Variants in SGPP2 observed in about 807,000 individuals in gnomAD.
SGPP2 encodes sphingosine 1-phosphate phosphohydrolase 2.
Under a neutral mutation model 33.9 loss-of-function variants are expected in SGPP2, and 30 were observed. The observed-to-expected ratio is 0.89, with a 90% CI of 0.66 to 1.20. The LOEUF is 1.20. SGPP2 is among the 50% of genes most tolerant of loss of function. The probability of loss-of-function intolerance (pLI) is 0.00; values close to 1 mark genes in which losing one functional copy is unlikely to be tolerated. For synonymous variants in SGPP2, 233 were observed against 225.0 expected (o/e 1.04, Z -0.32); for missense variants, 458 against 532.1 (o/e 0.86, Z 1.37).
chr2:222,490,154 A>C (rs1698174614), intron 2 of SGPP2, among the ~76,000 whole-genome samples: 1 of 152,148 alleles, frequency 6.6e-6, no homozygotes, highest in Non-Finnish European at 1.5e-5. Flanking sequence ...ACATATTTTT[A>C]TAAATTTTTA....
chr2:222,532,501 C>T (rs945540009), intron 4 of SGPP2, among the ~76,000 whole-genome samples: 9 of 152,198 alleles, frequency 5.9e-5, no homozygotes, highest in Non-Finnish European at 1.0e-4. Flanking sequence ...GCATTAAACC[C>T]GCATGGCTGT....
chr2:222,429,578 A>G (rs567608267), intron 1 of SGPP2, among the ~76,000 whole-genome samples: 1 of 152,236 alleles, frequency 6.6e-6, no homozygotes, highest in Non-Finnish European at 1.5e-5. Context: ...CTAATCACTT[A>G]GTAAATGTTC....
intron 2 of SGPP2, among the ~76,000 whole-genome samples, chr2:222,489,574 A>T (rs2033693): frequency 0.54 from 72,444 of 134,570 alleles, 18,125 homozygotes; most frequent in South Asian, 0.69. Flanking sequence ...ACTGAGCTTT[A>T]AAAAAAAAAA....
intron 1 of SGPP2, among the ~76,000 whole-genome samples, chr2:222,463,921 G>A (rs1697703594): frequency 6.6e-6 from 1 of 152,184 alleles, no homozygotes; most frequent in Non-Finnish European, 1.5e-5. Flanking sequence ...AGGACATGCT[G>A]CCAGGTTAGA....
intron 1 of SGPP2, among the ~76,000 whole-genome samples, chr2:222,466,184 A>G: frequency 6.6e-6 from 1 of 151,514 alleles, no homozygotes; most frequent in Admixed American, 6.6e-5. Context: ...TACATCACTG[A>G]AGCATACACA....
At chr2:222,499,017 A>G (rs997454986) in intron 2 of SGPP2, among the ~76,000 whole-genome samples, 6 of 152,364 alleles carry the variant, frequency 3.9e-5, no homozygotes, top group African/African-American at 1.4e-4. Context: ...TAAATTTTAA[A>G]AAGTACAAAG....
chr2:222,479,805 G>A (rs1698002390), intron 2 of SGPP2, among the ~76,000 whole-genome samples: 1 of 142,246 alleles, frequency 7.0e-6, no homozygotes, highest in Non-Finnish European at 1.5e-5. Context: ...CATCGCTAAG[G>A]TCTGATTTTT....
chr2:222,426,209 CAAAAAAAAAAAAAA>C lies in SGPP2; in HGVS notation c.219+1400_219+1413del, dbSNP rs59881994. 2.4e-4 allele frequency among the ~76,000 whole-genome samples: 14 copies of C among 58,760 alleles called. No individual in the cohort carries two copies. The South Asian group carries it at 3.8e-3, about 16-fold the overall frequency. The allele number at this position is 58,760 out of a possible 152,430, so 38.5% of individuals were successfully genotyped here. Reference sequence around the variant, plus strand: ...AGGGCGACTGAGCGAGACTCCGTCTCAAAAAAAAAAAAAAAAAAAAAAAAAGACCAAAACAAACA... The same window carrying C: ...AGGGCGACTGAGCGAGACTCCGTCTCAAAAAAAAAAAGACCAAAACAAACA... On this transcript the variant is annotated intron_variant, in intron 1 of 4. Coordinates refer to ENST00000321276, the MANE Select transcript of SGPP2 (RefSeq NM_152386.4).
At chr2:222,554,284 C>T (rs1689350587) in intron 4 of SGPP2, among the ~76,000 whole-genome samples, 1 of 152,184 alleles carries the variant, frequency 6.6e-6, no homozygotes, top group Admixed American at 6.5e-5. Flanking sequence ...TGTTCTGCAC[C>T]TTGCTTTTTA....
Position 222,558,721 on chromosome 2 carries a change from T to C in SGPP2, c.1023T>C (p.Leu341=). The C allele has an allele frequency of 6.2e-7, 1 of 1,614,144 alleles. No homozygotes were observed. The highest frequency in any genetic ancestry group is 8.5e-7 in the Non-Finnish European group (1 of 1,180,014). ...GIVLILLVRQ[L]VQNLSLQVLY... ...TGTTGATCCTCTTGGTTCGTCAGCT[T>C]GTACAAAATCTCTCACTGCAAGTAT... The change falls in exon 5 of 5, where the codon CTT becomes CTC. Residue 341 remains leucine (L), a synonymous_variant. Coordinates refer to ENST00000321276, the MANE Select transcript of SGPP2 (RefSeq NM_152386.4).
chr2:222,529,328 A>C (rs1698804469), intron 4 of SGPP2, among the ~76,000 whole-genome samples: 1 of 151,834 alleles, frequency 6.6e-6, no homozygotes, highest in Admixed American at 6.6e-5. Flanking sequence ...TTCTCTTGCT[A>C]TTTTATTTAT....
chr2:222,552,305 G>GTACTAGT (rs1689306056), intron 4 of SGPP2, among the ~76,000 whole-genome samples: 1 of 152,168 alleles, frequency 6.6e-6, no homozygotes, highest in Non-Finnish European at 1.5e-5. Context: ...CATAGTGGTT[G>GTACTAGT]TACTAGTTTA....
intron 2 of SGPP2, among the ~76,000 whole-genome samples, chr2:222,508,094 A>T (rs998650878): frequency 6.6e-6 from 1 of 152,336 alleles, no homozygotes; most frequent in East Asian, 1.9e-4. Context: ...AGCTTTCTGC[A>T]CTATTCATTG....
At chr2:222,452,154 T>C (rs1697501235) in intron 1 of SGPP2, among the ~76,000 whole-genome samples, 2 of 152,164 alleles carry the variant, frequency 1.3e-5, no homozygotes, top group Non-Finnish European at 2.9e-5. Context: ...TATCATGTTG[T>C]CCTTAGCAGC....
In SGPP2 at chr2:222,460,617, A is replaced by G. The variant is rs1236690638; in HGVS notation, c.220-13951A>G. ...AGGCTCCCTATTACCCAAGTTCTAA[A>G]CCCAGCCTCCTTATTACGACCTCCA... is the stretch of plus-strand genomic sequence containing the variant. On this transcript the variant is annotated intron_variant, in intron 1 of 4. Coordinates refer to ENST00000321276, the MANE Select transcript of SGPP2 (RefSeq NM_152386.4). This position sits in a 1 kb window ranked among gnomAD's most constrained non-coding sequence, Gnocchi z 4.3. 6.6e-6 allele frequency among the ~76,000 whole-genome samples: 1 copy of G among 152,046 alleles called. No individual in the cohort carries two copies. Among genetic ancestry groups the G allele is most frequent in the Non-Finnish European group, 1.5e-5 (1 of 67,996 alleles).
At chr2:222,499,786 T>C (rs1698339198) in intron 2 of SGPP2, among the ~76,000 whole-genome samples, 1 of 152,026 alleles carries the variant, frequency 6.6e-6, no homozygotes, top group African/African-American at 2.4e-5. Context: ...AAGGAGATGG[T>C]GAGTTGCCTG....
intron 2 of SGPP2, among the ~76,000 whole-genome samples, chr2:222,510,382 G>A (rs1318937162): frequency 6.6e-6 from 1 of 152,156 alleles, no homozygotes; most frequent in Non-Finnish European, 1.5e-5. Flanking sequence ...TGGTCTTTGG[G>A]TTACAGCTCA....
chr2:222,431,463 GC>G (rs1697154320), intron 1 of SGPP2, among the ~76,000 whole-genome samples: 2 of 152,130 alleles, frequency 1.3e-5, no homozygotes, highest in Non-Finnish European at 2.9e-5. Flanking sequence ...CCAAGATCAT[GC>G]CACTGCACTC....
chr2:222,525,138 T>G, intron 4 of SGPP2, 105 bp downstream of exon 4: 1 of 759,296 alleles, frequency 1.3e-6, no homozygotes, highest in Non-Finnish European at 2.1e-6. Context: ...TTTGCATATG[T>G]AATTATATTT....
Sources: allele counts gnomAD v4.1 joint callset (sites outside exome capture counted in the v4.1 genomes callset), GRCh38; gene constraint gnomAD v4.1.1; non-coding constraint Gnocchi (gnomAD v3.1); transcripts MANE v1.5; gene names NCBI Gene and HGNC (gene_info 2026-07-23, HGNC 2026-07-21).